The following CRPPA variants were observed in gnomAD, a reference collection of about 807,000 sequenced individuals.
CRPPA encodes the protein D-ribitol-5-phosphate cytidylyltransferase.
CRPPA carries 43 observed loss-of-function variants against 52.0 expected under a neutral mutation model. The ratio of observed to expected loss-of-function variants is 0.83; its 90% CI spans 0.65 to 1.07. The LOEUF (loss-of-function observed/expected upper bound fraction) is 1.07. Ranked by LOEUF, CRPPA falls within the 50% of genes least tolerant of loss-of-function variation. The pLI, the probability that CRPPA is intolerant of heterozygous loss-of-function variation, is 0.00. For missense variants in CRPPA, 629 were observed against 551.7 expected (o/e 1.14, Z -1.40); for synonymous variants, 250 against 203.5 (o/e 1.23, Z -1.94).
chr7:16,308,888 C>T (rs895582695), intron 3 of CRPPA, among the ~76,000 whole-genome samples: 44 of 151,482 alleles, frequency 2.9e-4, no homozygotes, highest in African/African-American at 9.5e-4. Context: ...CTCAGTAGTT[C>T]TAGGCGTAAA....
At chr7:16,184,932 T>C (rs956659394) in intron 9 of CRPPA, among the ~76,000 whole-genome samples, 2 of 152,230 alleles carry the variant, frequency 1.3e-5, no homozygotes, top group Non-Finnish European at 2.9e-5. Flanking sequence ...ATAGAATCTT[T>C]TAAGTGATTT....
intron 3 of CRPPA, among the ~76,000 whole-genome samples, chr7:16,341,407 G>C (rs1239460771): frequency 2.6e-5 from 4 of 151,934 alleles, no homozygotes; most frequent in African/African-American, 9.7e-5. Flanking sequence ...CTGTAAAATT[G>C]CTCTAAAAAA....
At chr7:16,391,240 C>T (rs1022045502) in intron 2 of CRPPA, among the ~76,000 whole-genome samples, 1 of 152,140 alleles carries the variant, frequency 6.6e-6, no homozygotes, top group African/African-American at 2.4e-5. Flanking sequence ...CTATTCTTCT[C>T]GTTATTCTTG....
At chr7:16,321,778 G>T (rs1241620465) in intron 3 of CRPPA, among the ~76,000 whole-genome samples, 1 of 152,096 alleles carries the variant, frequency 6.6e-6, no homozygotes, top group Non-Finnish European at 1.5e-5. Flanking sequence ...TATATGCCCA[G>T]TATGTATTGG....
chr7:16,412,593 A>G (rs949783102), intron 1 of CRPPA, among the ~76,000 whole-genome samples: 2 of 152,226 alleles, frequency 1.3e-5, no homozygotes, highest in Non-Finnish European at 2.9e-5. Context: ...ATTCTTTTCT[A>G]GTTATAGAAC....
chr7:16,143,004 C>G (rs1237129707), intron 9 of CRPPA, among the ~76,000 whole-genome samples: 1 of 152,088 alleles, frequency 6.6e-6, no homozygotes, highest in Non-Finnish European at 1.5e-5. Flanking sequence ...ATACTGTATT[C>G]AAAGCTCACA....
At chr7:16,192,157 G>C (rs1346522380) in intron 9 of CRPPA, among the ~76,000 whole-genome samples, 3 of 152,046 alleles carry the variant, frequency 2.0e-5, no homozygotes, top group African/African-American at 7.2e-5. Flanking sequence ...ATTTATACTT[G>C]TAACTTTTCC....
chr7:16,201,661 T>C (rs1328305493), intron 9 of CRPPA, among the ~76,000 whole-genome samples: 1 of 152,010 alleles, frequency 6.6e-6, no homozygotes, highest in Non-Finnish European at 1.5e-5. Flanking sequence ...ACCGTGGGAG[T>C]GAAAGAGTTG....
At chr7:16,227,713 T>C (rs1010552216) in intron 8 of CRPPA, among the ~76,000 whole-genome samples, 1 of 151,824 alleles carries the variant, frequency 6.6e-6, no homozygotes. Flanking sequence ...TGTCTCTTCA[T>C]TTTTCCTCAG....
At chr7:16,171,095 G>A (rs768996117) in intron 9 of CRPPA, among the ~76,000 whole-genome samples, 35 of 152,226 alleles carry the variant, frequency 2.3e-4, no homozygotes, top group Admixed American at 2.6e-4. Context: ...CACTGAGAGC[G>A]AGTGAGGGCT....
chr7:16,366,510 A>G (rs920775430), intron 3 of CRPPA, among the ~76,000 whole-genome samples: 2 of 152,202 alleles, frequency 1.3e-5, no homozygotes, highest in African/African-American at 4.8e-5. Context: ...GTCTTATAGA[A>G]ACTCACAGAA....
chr7:16,107,691 A>G (rs903505788), intron 9 of CRPPA, among the ~76,000 whole-genome samples: 1 of 152,134 alleles, frequency 6.6e-6, no homozygotes, highest in Non-Finnish European at 1.5e-5. Context: ...AATCAATTGT[A>G]TAAGTAAAAC....
intron 9 of CRPPA, among the ~76,000 whole-genome samples, chr7:16,110,647 T>G (rs7795348): frequency 0.48 from 72,969 of 151,872 alleles, 18,041 homozygotes; most frequent in East Asian, 0.77. Context: ...TACATGCATA[T>G]ACAGTCAATT....
chr7:16,366,446 G>A (rs1241881804), intron 3 of CRPPA, among the ~76,000 whole-genome samples: 1 of 152,168 alleles, frequency 6.6e-6, no homozygotes, highest in Non-Finnish European at 1.5e-5. Context: ...AAAAGCTACA[G>A]AAGATGTGGC....
At chr7:16,360,696 C>A (rs1786420251) in intron 3 of CRPPA, among the ~76,000 whole-genome samples, 1 of 152,118 alleles carries the variant, frequency 6.6e-6, no homozygotes, top group African/African-American at 2.4e-5. Context: ...AATTTGAACT[C>A]TTACATCGTG....
At chr7:16,347,694 A>G (rs1040254073) in intron 3 of CRPPA, among the ~76,000 whole-genome samples, 1 of 152,144 alleles carries the variant, frequency 6.6e-6, no homozygotes, top group African/African-American at 2.4e-5. Flanking sequence ...GCAACTGAGA[A>G]AACATCCACA....
intron 2 of CRPPA, among the ~76,000 whole-genome samples, chr7:16,378,557 G>C (rs1786973873): frequency 6.6e-6 from 1 of 151,972 alleles, no homozygotes; most frequent in African/African-American, 2.4e-5. Context: ...TGTGAATAGT[G>C]CCACAATAAA....
chr7:16,128,744 G>A (rs1260498408), intron 9 of CRPPA, among the ~76,000 whole-genome samples: 6 of 152,040 alleles, frequency 3.9e-5, no homozygotes, highest in Non-Finnish European at 8.8e-5. Context: ...GTAGAATTCT[G>A]TAATGGACAA....
At chr7:16,289,978 A>G (rs1014650742) in intron 5 of CRPPA, among the ~76,000 whole-genome samples, 5 of 152,188 alleles carry the variant, frequency 3.3e-5, no homozygotes, top group Non-Finnish European at 7.4e-5. Flanking sequence ...AGGTTGCAGA[A>G]AACAAAATTC....
Sources: allele counts gnomAD v4.1 joint callset (sites outside exome capture counted in the v4.1 genomes callset), GRCh38; gene constraint gnomAD v4.1.1; transcripts MANE v1.5; gene names NCBI Gene and HGNC (gene_info 2026-07-23, HGNC 2026-07-21).